Variants in PLSCR2 observed in about 807,000 individuals in gnomAD.
PLSCR2 encodes the protein phospholipid scramblase 2.
PLSCR2 carries 18 observed loss-of-function variants against 25.3 expected under a neutral mutation model. The observed-to-expected ratio is 0.71, with a 90% CI of 0.49 to 1.06. PLSCR2 has a LOEUF of 1.06. Among genes scored for constraint, PLSCR2 ranks in the 50% least tolerant of loss-of-function variants. The probability of loss-of-function intolerance (pLI) is 0.00; values close to 1 mark genes in which losing one functional copy is unlikely to be tolerated. For missense variants in PLSCR2, 243 were observed against 269.5 expected (o/e 0.90, Z 0.69); for synonymous variants, 88 against 87.3 (o/e 1.01, Z -0.04).
In PLSCR2 at chr3:146,452,600, C is replaced by T. The variant is rs559324017; in HGVS notation, c.483+1402G>A. On this transcript the variant is annotated intron_variant, in intron 5 of 6. Transcript: ENST00000610787. Reference sequence around the variant, plus strand: ...GCATTATTTTCCTGCATTCTCTAATCGTATGACTATTAGTTACTCTTAGAA... The same window carrying T: ...GCATTATTTTCCTGCATTCTCTAATTGTATGACTATTAGTTACTCTTAGAA... 9.2e-5 allele frequency among the ~76,000 whole-genome samples: 14 copies of T among 152,180 alleles called. No homozygotes were observed. In the South Asian group the frequency reaches 2.5e-3, roughly 27 times the overall value.
At chr3:146,411,513 C>T (rs1049168865) in intron 2 of PLSCR2, among the ~76,000 whole-genome samples, 2 of 152,190 alleles carry the variant, frequency 1.3e-5, no homozygotes, top group African/African-American at 4.8e-5. Context: ...TCTTAGGTGG[C>T]GCTCCCCCTC....
In PLSCR2 at chr3:146,454,177, A is replaced by C. The variant is rs771641043; in HGVS notation, c.322-14T>G. ...TTGGATTTCTATCTACAAAAGTAAA[A>C]TATGTGTGAACGTAATAAATCATCA... On this transcript the variant is annotated splice_polypyrimidine_tract_variant and intron_variant, in intron 4 of 6. Transcript: ENST00000610787. 6.5e-7 allele frequency: 1 copy of C among 1,542,896 alleles called. No homozygotes were observed. Among genetic ancestry groups the C allele is most frequent in the East Asian group, 2.3e-5 (1 of 43,978 alleles).
intron 8 of PLSCR2, among the ~76,000 whole-genome samples, chr3:146,435,087 C>T (rs1443094186): frequency 6.6e-6 from 1 of 152,086 alleles, no homozygotes; most frequent in African/African-American, 2.4e-5. Context: ...CATGTCCCTA[C>T]AAAGGACATG....
At chr3:146,447,652 T>C (rs917590272) in intron 6 of PLSCR2, among the ~76,000 whole-genome samples, 1 of 151,560 alleles carries the variant, frequency 6.6e-6, no homozygotes, top group Non-Finnish European at 1.5e-5. Context: ...CTGCCTGGAG[T>C]TGGGGAAGGG....
At chr3:146,470,250 G>C (rs1003205129) in intron 1 of PLSCR2, among the ~76,000 whole-genome samples, 1 of 152,016 alleles carries the variant, frequency 6.6e-6, no homozygotes, top group East Asian at 1.9e-4. Context: ...TTGCACTGAC[G>C]TTTCTACTGA....
At chr3:146,477,002 A>T (rs1393890517) in intron 1 of PLSCR2, among the ~76,000 whole-genome samples, 1 of 152,188 alleles carries the variant, frequency 6.6e-6, no homozygotes, top group African/African-American at 2.4e-5. Flanking sequence ...GGACCAAGGG[A>T]CAGCCAGGGT....
chr3:146,484,944 C>T (rs929375337), intron 1 of PLSCR2, among the ~76,000 whole-genome samples: 2 of 151,920 alleles, frequency 1.3e-5, no homozygotes, highest in African/African-American at 4.8e-5. Flanking sequence ...ACAATACTAA[C>T]CTTAAACGTA....
At chr3:146,452,307 T>C (rs2040950676) in intron 5 of PLSCR2, among the ~76,000 whole-genome samples, 1 of 152,162 alleles carries the variant, frequency 6.6e-6, no homozygotes, top group African/African-American at 2.4e-5. Context: ...TATATTAGCA[T>C]GAAATTTATA....
intron 2 of PLSCR2, chr3:146,401,565 GA>G (rs1222806467): frequency 6.6e-6 from 1 of 152,456 alleles, no homozygotes; most frequent in African/African-American, 2.4e-5. Context: ...GAGGACTAGA[GA>G]ATAAAATAAT....
intron 2 of PLSCR2, among the ~76,000 whole-genome samples, chr3:146,398,317 G>C (rs79265944): frequency 1.3e-5 from 2 of 151,722 alleles, no homozygotes; most frequent in Admixed American, 6.6e-5. Flanking sequence ...CAGAAACTGC[G>C]TTAATGAACA....
chr3:146,426,255 CTCCTTCCTTCCTTCCTTCTTTTCT>C (rs2039346609), intron 2 of PLSCR2, among the ~76,000 whole-genome samples: 1 of 141,108 alleles, frequency 7.1e-6, no homozygotes, highest in African/African-American at 2.7e-5. Flanking sequence ...CCCTCTCTCC[CTCCTTCCTTCCTTCCTTCTTTTCT>C]TCCTTCCTTC....
intron 1 of PLSCR2, among the ~76,000 whole-genome samples, chr3:146,478,340 C>T (rs961835530): frequency 6.6e-6 from 1 of 152,042 alleles, no homozygotes; most frequent in Non-Finnish European, 1.5e-5. Context: ...TAATAAAAAC[C>T]TTGATAAAAT....
At chr3:146,403,912 AAC>A (rs1414337403) in intron 2 of PLSCR2, among the ~76,000 whole-genome samples, 23 of 152,110 alleles carry the variant, frequency 1.5e-4, no homozygotes, top group Admixed American at 2.6e-4. Flanking sequence ...TTCCTCGTAA[AAC>A]AACCTTTTCC....
intron 1 of PLSCR2, among the ~76,000 whole-genome samples, chr3:146,493,363 T>A (rs1201794903): frequency 6.6e-6 from 1 of 151,984 alleles, no homozygotes; most frequent in Non-Finnish European, 1.5e-5. Context: ...CAGAACAATA[T>A]CCCTGTTGTA....
exon 6 of PLSCR2, chr3:146,449,365 A>C (rs538019538): frequency 6.4e-7 from 1 of 1,560,162 alleles, no homozygotes; most frequent in African/African-American, 1.4e-5. Flanking sequence ...CAAGAGATGT[A>C]ATCTAAATTG....
chr3:146,404,027 C>A (rs749586436), intron 2 of PLSCR2, among the ~76,000 whole-genome samples: 13 of 152,122 alleles, frequency 8.5e-5, no homozygotes, highest in Non-Finnish European at 1.6e-4. Flanking sequence ...AACCACTCAC[C>A]CCGTCACTCT....
intron 1 of PLSCR2, among the ~76,000 whole-genome samples, chr3:146,487,139 T>C (rs1359253368): frequency 6.6e-6 from 1 of 152,060 alleles, no homozygotes; most frequent in Non-Finnish European, 1.5e-5. Context: ...TAACTCTCAA[T>C]AAACTAAGTA....
intron 1 of PLSCR2, among the ~76,000 whole-genome samples, chr3:146,483,300 G>A (rs1314941827): frequency 7.3e-6 from 1 of 137,220 alleles, no homozygotes; most frequent in Non-Finnish European, 1.6e-5. Context: ...GGGGCTGGGG[G>A]AGGGATAGCA....
intron 1 of PLSCR2, among the ~76,000 whole-genome samples, chr3:146,470,989 A>T (rs2042097133): frequency 6.6e-6 from 1 of 152,204 alleles, no homozygotes; most frequent in Admixed American, 6.5e-5. Flanking sequence ...AGCGCTCAGT[A>T]AATGTTATAT....
Sources: allele counts gnomAD v4.1 joint callset (sites outside exome capture counted in the v4.1 genomes callset), GRCh38; gene constraint gnomAD v4.1.1; transcripts MANE v1.5; gene names NCBI Gene and HGNC (gene_info 2026-07-23, HGNC 2026-07-21).